The following CUL7 variants were observed in gnomAD, a reference collection of about 807,000 sequenced individuals.
CUL7 encodes the protein cullin-7.
In CUL7, 96 loss-of-function variants were observed where a neutral mutation model predicts 177.7. The observed-to-expected ratio is 0.54, with a 90% CI of 0.46 to 0.64. The LOEUF (loss-of-function observed/expected upper bound fraction) is 0.64, where lower values mean the gene tolerates loss of function less well. Ranked by LOEUF, CUL7 falls within the 30% of genes least tolerant of loss-of-function variation. The probability of loss-of-function intolerance (pLI) is 0.00; values close to 1 mark genes in which losing one functional copy is unlikely to be tolerated. For synonymous variants in CUL7, 824 were observed against 890.2 expected (o/e 0.93, Z 1.32); for missense variants, 1,893 against 2,187.9 (o/e 0.87, Z 2.69).
chr6:43,052,257 G>C lies in CUL7; in HGVS notation c.532C>G (p.Arg178Gly). ...TGTATCATCCGGCCTGCACTCCAGC[G>C]AATCTGATAATCAGGACTACTCAAC... ...HMLSSPDYQI[R>G]WSAGRMIQAL... Residue 178 changes from arginine (R) to glycine (G), a missense_variant, in exon 2 of 26, where the codon CGC becomes GGC. Arg to Gly is a moderately radical substitution (Grantham distance 125). Transcript: ENST00000265348. The surrounding 1 kb of genome is among the most constrained non-coding windows in gnomAD (Gnocchi z 4.5). 4 of 1,614,208 alleles carry C rather than the reference G, an allele frequency of 2.5e-6. No homozygotes were observed. The highest frequency in any genetic ancestry group is 3.4e-6 in the Non-Finnish European group (4 of 1,180,042).
At position 43,050,395 on chromosome 6, in the gene CUL7, A is replaced by C. The variant is rs1219291289; in HGVS notation, c.1237T>G (p.Phe413Val). The change falls in exon 5 of 26, where the codon TTT becomes GTT. Residue 413 changes from phenylalanine (F) to valine (V), a missense_variant. Coordinates refer to ENST00000265348, the MANE Select transcript of CUL7 (RefSeq NM_014780.5). This position sits in a 1 kb window ranked among gnomAD's most constrained non-coding sequence, Gnocchi z 4.1. ...SNNGVPPVQV[F>V]WESTGRTYWV... Reference sequence around the variant, plus strand: ...TAGGTGCGGCCTGTTGACTCCCAAAATACCTGGAGCATAGGGAAAGAAAGA... The same window carrying C: ...TAGGTGCGGCCTGTTGACTCCCAAACTACCTGGAGCATAGGGAAAGAAAGA... The C allele has an allele frequency of 6.2e-7, 1 of 1,613,966 alleles. No homozygotes were observed. The highest frequency in any genetic ancestry group is 8.5e-7 in the Non-Finnish European group (1 of 1,180,012).
chr6:43,044,861 C>A lies in CUL7; in HGVS notation c.3063G>T (p.Glu1021Asp). ...SSRLNGALRQEQNFADRFLPD... is the reference protein window; with the variant it reads ...SSRLNGALRQDQNFADRFLPD... ...GGAGGAAGCGGTCAGCAAAATTCTGCTCCTGGCGCAGAGCACCGTTGAGTC... is the reference window on the plus strand; with the variant it reads ...GGAGGAAGCGGTCAGCAAAATTCTGATCCTGGCGCAGAGCACCGTTGAGTC... The change falls in exon 16 of 26, where the codon GAG (glutamate) becomes GAT (aspartate). Residue 1021 changes from glutamate (E) to aspartate (D), a missense_variant. By Grantham distance (45) the Glu-to-Asp change is conservative. This residue lies in a region of CUL7 where 973 missense variants were observed against 1,140.9 expected (regional missense o/e 0.85). Coordinates refer to ENST00000265348, the MANE Select transcript of CUL7 (RefSeq NM_014780.5). The A allele has an allele frequency of 1.2e-6, 2 of 1,613,864 alleles. No individual in the cohort carries two copies. The highest frequency in any genetic ancestry group is 1.7e-6 in the Non-Finnish European group (2 of 1,179,786).
rs41274912 is a variant in CUL7, at chr6:43,038,670, A to G, written c.4463T>C (p.Leu1488Pro). Reference protein sequence around the residue: ...DLKAVSVESLLAFSGLSADML... With the variant: ...DLKAVSVESLPAFSGLSADML... The stretch of plus-strand genomic sequence containing the variant: ...GTCTGCGGAGAGCCCTGAGAACGCC[A>G]GCAGACTCTCCACAGAGACCGCCTT... The change falls in exon 24 of 26, where the codon CTG becomes CCG. Residue 1488 changes from leucine to proline, a missense_variant. By Grantham distance (98) the Leu-to-Pro change is moderately conservative. Coordinates refer to ENST00000265348, the MANE Select transcript of CUL7 (RefSeq NM_014780.5). 15,457 of 1,614,112 alleles carry G rather than the reference A, an allele frequency of 9.6e-3. 95 individuals carry two copies. Among genetic ancestry groups the G allele is most frequent in the Middle Eastern group, 0.015 (91 of 6,042 alleles).
chr6:43,037,784 G>A lies in CUL7; in HGVS notation c.5001C>T (p.Pro1667=), dbSNP rs561242234. 7 of 1,598,402 alleles carry A rather than the reference G, an allele frequency of 4.4e-6. No homozygotes were observed. The highest frequency in any genetic ancestry group is 1.7e-4 in the Middle Eastern group (1 of 6,046). Residue 1667 remains proline, a synonymous_variant, in exon 26 of 26, where the codon CCC becomes CCT. Transcript: ENST00000265348. Reference sequence around the variant, plus strand: ...GGGTATGGAAGGTGAGGGGTGGGTTGGGGCCTGAGGAGCCTGGGTTCAGGG... The same window carrying A: ...GGGTATGGAAGGTGAGGGGTGGGTTAGGGCCTGAGGAGCCTGGGTTCAGGG... The part of the protein sequence containing the change: ...TESLNPGSSG[P]NPPLTFHTLQ...
chr6:43,049,461 G>T lies in CUL7; in HGVS notation c.1771C>A (p.Leu591Met). Residue 591 changes from leucine to methionine, a missense_variant, in exon 7 of 26, where the codon CTG becomes ATG. Physicochemically the swap from Leu to Met is conservative, Grantham distance 15. Coordinates refer to ENST00000265348, the MANE Select transcript of CUL7 (RefSeq NM_014780.5). ...SLLEAQEDVLLLDAQAQAKDS... is the reference protein window; with the variant it reads ...SLLEAQEDVLMLDAQAQAKDS... ...TTAGCCTGGGCCTGCGCGTCTAGCA[G>T]GAGGACATCTTCTTGGGCTTCTAGA... The T allele has an allele frequency of 6.2e-7, 1 of 1,614,264 alleles. No individual in the cohort carries two copies. The highest frequency in any genetic ancestry group is 8.5e-7 in the Non-Finnish European group (1 of 1,180,052).
Position 43,045,308 on chromosome 6 carries a change from CGTGT to C in CUL7, c.2953_2956del (p.Thr985AlafsTer25). The C allele has an allele frequency of 6.2e-7, 1 of 1,614,186 alleles. No homozygotes were observed. The highest frequency in any genetic ancestry group is 8.5e-7 in the Non-Finnish European group (1 of 1,180,044). On this transcript the variant is annotated frameshift_variant, in exon 15 of 26. Coordinates refer to ENST00000265348, the MANE Select transcript of CUL7 (RefSeq NM_014780.5). LOFTEE classifies it high-confidence loss of function. The surrounding 1 kb of genome is among the most constrained non-coding windows in gnomAD (Gnocchi z 4.8). Reference sequence around the variant, plus strand: ...CTGTGCCCGAACCATGTAGAAGAGGCGTGTGTGACGACAGAGCTGCTCCCGGAAC... The same window carrying C: ...CTGTGCCCGAACCATGTAGAAGAGGCGTGACGACAGAGCTGCTCCCGGAAC...
Position 43,038,546 on chromosome 6 carries a change from C to T in CUL7, c.4567+20G>A, listed in dbSNP as rs757190347. 3.7e-6 allele frequency: 6 copies of T among 1,613,908 alleles called. No individual in the cohort carries two copies. On this transcript the variant is annotated intron_variant, in intron 24 of 25. Transcript: ENST00000265348. ...TGGCCCTGCCTCAGAGCAGAGGCCC[C>T]TCTGGCCCTAAGTGCATACCTCCTG...
Position 43,043,341 on chromosome 6 carries a change from C to T in CUL7, c.3355+107G>A, listed in dbSNP as rs1002227946. The T allele has an allele frequency of 2.9e-5, 37 of 1,273,246 alleles. No homozygotes were observed. Among genetic ancestry groups the T allele is most frequent in the Non-Finnish European group, 4.0e-5 (35 of 880,028 alleles). The allele number at this position is 1,273,246 out of a possible 1,614,324, so 78.9% of individuals were successfully genotyped here. A position where few individuals can be genotyped will look rare whatever the true frequency, so the allele number is the denominator to read the frequency against. On this transcript the variant is annotated intron_variant, in intron 17 of 25. Transcript: ENST00000265348. The surrounding 1 kb of genome is among the most constrained non-coding windows in gnomAD (Gnocchi z 4.2). ...AAACCTGGAAGATGAACAGGCTGAGCCCATAGGGAGGGGAAGGATGGGGAT... is the reference window on the plus strand; with the variant it reads ...AAACCTGGAAGATGAACAGGCTGAGTCCATAGGGAGGGGAAGGATGGGGAT...
Position 43,037,651 on chromosome 6 carries a change from GCTC to G in CUL7, c.*34_*36del, listed in dbSNP as rs1450448822. The stretch of plus-strand genomic sequence containing the variant: ...ACTCTTGGGTTTTATTTCTGTAAAA[GCTC>G]CAGCTCTACCTTCCCCTGACCCCAA... On this transcript the variant is annotated 3_prime_UTR_variant, in exon 26 of 26. Coordinates refer to ENST00000265348, the MANE Select transcript of CUL7 (RefSeq NM_014780.5). 2.0e-6 allele frequency: 3 copies of G among 1,517,676 alleles called. No homozygotes were observed. The highest frequency in any genetic ancestry group is 2.7e-6 in the Non-Finnish European group (3 of 1,116,696). 94.0% of individuals were successfully genotyped at this position (1,517,676 alleles called of 1,614,324 possible).
intron 8 of CUL7, 34 bp from the exon 9 acceptor site, chr6:43,048,287 G>A (rs1469808231): frequency 1.4e-5 from 23 of 1,592,884 alleles, no homozygotes; most frequent in African/African-American, 2.7e-5. Context: ...CAGCCTCATG[G>A]ACCCCCTTTG....
Position 43,051,754 on chromosome 6 carries a change from G to A in CUL7, c.590C>T (p.Thr197Ile). The A allele has an allele frequency of 1.2e-6, 2 of 1,614,150 alleles. No individual in the cohort carries two copies. Among genetic ancestry groups the A allele is most frequent in the Non-Finnish European group, 1.7e-6 (2 of 1,180,022 alleles). The part of the protein sequence containing the change: ...ALSSHDAGTR[T>I]QILLSLSQQE... ...TTGGCTCAGTGACAGAAGGATCTGAGTCCGGGTCCCTGTAACCCACACCCC... is the reference window on the plus strand; with the variant it reads ...TTGGCTCAGTGACAGAAGGATCTGAATCCGGGTCCCTGTAACCCACACCCC... Residue 197 changes from threonine to isoleucine, a missense_variant, in exon 3 of 26, where the codon ACT becomes ATT. Around this residue, in one of 5 missense-constraint regions of CUL7, gnomAD observed 653 missense variants for 725.2 expected, o/e 0.90. Transcript: ENST00000265348. This position sits in a 1 kb window ranked among gnomAD's most constrained non-coding sequence, Gnocchi z 5.0.
chr6:43,052,249 A>T lies in CUL7; in HGVS notation c.540T>A (p.Ser180Arg). ...ACAGGGCTTGTATCATCCGGCCTGC[A>T]CTCCAGCGAATCTGATAATCAGGAC... Reference protein sequence around the residue: ...LSSPDYQIRWSAGRMIQALSS... With the variant: ...LSSPDYQIRWRAGRMIQALSS... Residue 180 changes from serine (S) to arginine (R), a missense_variant, in exon 2 of 26, where the codon AGT becomes AGA. By Grantham distance (110) the Ser-to-Arg change is moderately radical. Coordinates refer to ENST00000265348, the MANE Select transcript of CUL7 (RefSeq NM_014780.5). The surrounding 1 kb of genome is among the most constrained non-coding windows in gnomAD (Gnocchi z 4.5). The T allele has an allele frequency of 4.3e-6, 7 of 1,614,140 alleles. 1 individual carries two copies. The highest frequency in any genetic ancestry group is 1.3e-5 in the African/African-American group (1 of 75,028).
rs1274623511 is a variant in CUL7, at chr6:43,040,954, G to A, written c.3767C>T (p.Ser1256Phe). The change falls in exon 20 of 26, where the codon TCC (serine) becomes TTC (phenylalanine). Residue 1256 changes from serine (S) to phenylalanine (F), a missense_variant. Transcript: ENST00000265348. The surrounding 1 kb of genome is among the most constrained non-coding windows in gnomAD (Gnocchi z 4.2). ...AAAAGTGGTGGCTATCTCCAAGCCG[G>A]AGAAAATCAGGACAGCTTGCAGGCA... ...QQCLQAVLIF[S>F]GLEIATTFEH... is the part of the protein sequence containing the mutation. 1.9e-6 allele frequency: 3 copies of A among 1,613,270 alleles called. No individual in the cohort carries two copies.
chr6:43,038,509 C>T, intron 24 of CUL7, 37 bp from the exon 25 acceptor site: 1 of 1,613,654 alleles, frequency 6.2e-7, no homozygotes, highest in African/African-American at 1.3e-5. Flanking sequence ...AGTGGAGAGC[C>T]CACGAGGAGC....
In CUL7 at chr6:43,040,270, G is replaced by C; in HGVS notation, c.4180C>G (p.Leu1394Val). The C allele has an allele frequency of 6.2e-7, 1 of 1,614,170 alleles. No homozygotes were observed. Among genetic ancestry groups the C allele is most frequent in the Non-Finnish European group, 8.5e-7 (1 of 1,180,022 alleles). The change falls in exon 22 of 26, where the codon CTG (leucine) becomes GTG (valine). Residue 1394 changes from leucine to valine, a missense_variant. By Grantham distance (32) the Leu-to-Val change is conservative. Coordinates refer to ENST00000265348, the MANE Select transcript of CUL7 (RefSeq NM_014780.5). This position sits in a 1 kb window ranked among gnomAD's most constrained non-coding sequence, Gnocchi z 4.2. ...GAMPEVSVLV[L>V]SRHSWPVASI... ...GCAACAGGCCAGGAGTGTCGGGACA[G>C]GACAAGCACAGACACTTCTGGCATT... is the stretch of plus-strand genomic sequence containing the variant.
chr6:43,042,946 G>A lies in CUL7; in HGVS notation c.3501C>T (p.Asp1167=), dbSNP rs762681612. 2.5e-6 allele frequency: 4 copies of A among 1,614,092 alleles called. No individual in the cohort carries two copies. The African/African-American group carries it at 4.0e-5, about 16-fold the overall frequency. Residue 1167 remains aspartate, a synonymous_variant, in exon 19 of 26, where the codon GAC becomes GAT. Transcript: ENST00000265348. ...NFLTSSWRDD[D]FVPRYCEHFN... Reference sequence around the variant, plus strand: ...AGTGCTCACAGTAGCGTGGCACAAAGTCATCATCCCGCCAGGATGAGGTCA... The same window carrying A: ...AGTGCTCACAGTAGCGTGGCACAAAATCATCATCCCGCCAGGATGAGGTCA...
In CUL7 at chr6:43,050,145, G is replaced by A. The variant is rs768504882; in HGVS notation, c.1387C>T (p.Arg463Cys). Residue 463 changes from arginine (R) to cysteine (C), a missense_variant, in exon 6 of 26, where the codon CGC becomes TGC. This residue lies in a region of CUL7 where 653 missense variants were observed against 725.2 expected (regional missense o/e 0.90). Transcript: ENST00000265348. This position sits in a 1 kb window ranked among gnomAD's most constrained non-coding sequence, Gnocchi z 4.1. ...RVLGRALPAW[R>C]WRPMTELYAV... ...TAGAGTTCTGTCATGGGCCTCCAGC[G>A]CCAGGCAGGCAGGGCTGTGAAAATG... is the stretch of plus-strand genomic sequence containing the variant. 66 of 1,614,190 alleles carry A rather than the reference G, an allele frequency of 4.1e-5. No homozygotes were observed. In the South Asian group the frequency reaches 5.6e-4, roughly 14 times the overall value.
Position 43,051,912 on chromosome 6 carries a change from C to T in CUL7, c.581-149G>A. Reference sequence around the variant, plus strand: ...AAAAGCTAAAATTTGCTAACTTATACACATACACACACACACGCACATAAA... The same window carrying T: ...AAAAGCTAAAATTTGCTAACTTATATACATACACACACACACGCACATAAA... On this transcript the variant is annotated intron_variant, in intron 2 of 25. Coordinates refer to ENST00000265348, the MANE Select transcript of CUL7 (RefSeq NM_014780.5). The surrounding 1 kb of genome is among the most constrained non-coding windows in gnomAD (Gnocchi z 5.0). 2 of 1,035,924 alleles carry T rather than the reference C, an allele frequency of 1.9e-6. No individual in the cohort carries two copies. Among genetic ancestry groups the T allele is most frequent in the Non-Finnish European group, 3.0e-6 (2 of 669,948 alleles). 64.2% of individuals were successfully genotyped at this position (1,035,924 alleles called of 1,614,324 possible). A position where few individuals can be genotyped will look rare whatever the true frequency, so the allele number is the denominator to read the frequency against.
intron 12 of CUL7, 55 bp from the exon 13 acceptor site, chr6:43,046,146 G>C: frequency 6.2e-7 from 1 of 1,612,232 alleles, no homozygotes; most frequent in South Asian, 1.1e-5. Context: ...CCATGGCCAA[G>C]TCCAGGGGGT....
Sources: gnomAD v4.1 joint callset for allele counts on GRCh38, gnomAD v4.1.1 for gene constraint, gnomAD v4.1.1 regional missense constraint, Gnocchi (gnomAD v3.1) non-coding constraint, MANE v1.5 for transcripts, NCBI Gene and HGNC (gene_info 2026-07-23, HGNC 2026-07-21) for gene names.